The following SCHIP1 variants were observed in gnomAD, a reference collection of about 807,000 sequenced individuals.
The protein encoded by SCHIP1 is schwannomin interacting protein 1, also known as schwannomin-interacting protein 1.
Under a neutral mutation model 29.7 loss-of-function variants are expected in SCHIP1, and 8 were observed. The observed-to-expected ratio is 0.27, with a 90% CI of 0.16 to 0.49. The LOEUF (loss-of-function observed/expected upper bound fraction) is 0.49. Ranked by LOEUF, SCHIP1 falls within the 20% of genes least tolerant of loss-of-function variation. The pLI, the probability that SCHIP1 is intolerant of heterozygous loss-of-function variation, is 0.99. For missense variants in SCHIP1, 193 were observed against 294.6 expected (o/e 0.66, Z 2.52); for synonymous variants, 76 against 94.9 (o/e 0.80, Z 1.16).
chr3:159,699,696 C>G, the SCHIP1 span, among the ~76,000 whole-genome samples: 1 of 152,206 alleles, frequency 6.6e-6, no homozygotes, highest in Non-Finnish European at 1.5e-5. Flanking sequence ...TAGCAGAATT[C>G]TCTCCAAGTC....
chr3:159,813,765 G>T, the SCHIP1 span, among the ~76,000 whole-genome samples: 7 of 152,186 alleles, frequency 4.6e-5, no homozygotes, highest in South Asian at 1.5e-3. Flanking sequence ...TATCTGTATT[G>T]ATTATTGATC....
the SCHIP1 span, among the ~76,000 whole-genome samples, chr3:159,396,766 T>A: frequency 6.6e-6 from 1 of 151,828 alleles, no homozygotes; most frequent in Non-Finnish European, 1.5e-5. Flanking sequence ...TTTTCCTTCA[T>A]TTCAACTTTG....
chr3:159,507,158 A>G, the SCHIP1 span, among the ~76,000 whole-genome samples: 12 of 152,100 alleles, frequency 7.9e-5, no homozygotes, highest in Non-Finnish European at 1.0e-4. Context: ...AGTAGTTTGT[A>G]GTTTTCCTTG....
chr3:159,685,623 A>C, the SCHIP1 span, among the ~76,000 whole-genome samples: 81 of 152,322 alleles, frequency 5.3e-4, no homozygotes, highest in African/African-American at 1.9e-3. Context: ...AATTTATTTT[A>C]CTTGCAAAAA....
chr3:159,427,585 G>A, the SCHIP1 span, among the ~76,000 whole-genome samples: 2 of 152,046 alleles, frequency 1.3e-5, no homozygotes, highest in African/African-American at 2.4e-5. Context: ...CTCATGGGTA[G>A]GAAGAATCAA....
At chr3:159,290,681 A>G in the SCHIP1 span, among the ~76,000 whole-genome samples, 1 of 152,116 alleles carries the variant, frequency 6.6e-6, no homozygotes, top group African/African-American at 2.4e-5. Context: ...AAAGAAAAAC[A>G]TTCTTTAAAA....
At chr3:159,315,073 C>T in the SCHIP1 span, among the ~76,000 whole-genome samples, 16 of 152,186 alleles carry the variant, frequency 1.1e-4, no homozygotes, top group Admixed American at 3.3e-4. Context: ...GTTTTAGTAG[C>T]TATTGCGAAA....
chr3:159,626,145 TAG>T, the SCHIP1 span, among the ~76,000 whole-genome samples: 1,638 of 104,486 alleles, frequency 0.016, 146 homozygotes, highest in African/African-American at 0.099. Context: ...TAGATATATC[TAG>T]ATATATATAT....
chr3:159,403,141 A>C, the SCHIP1 span, among the ~76,000 whole-genome samples: 1 of 152,188 alleles, frequency 6.6e-6, no homozygotes, highest in Non-Finnish European at 1.5e-5. Flanking sequence ...TTTAATGGGC[A>C]AATAAAATGT....
the SCHIP1 span, among the ~76,000 whole-genome samples, chr3:159,492,138 CA>C: frequency 2.6e-5 from 4 of 151,972 alleles, no homozygotes; most frequent in East Asian, 7.7e-4. Context: ...GATAAAACCA[CA>C]AAGATAGGGG....
the SCHIP1 span, among the ~76,000 whole-genome samples, chr3:159,456,440 G>A: frequency 6.6e-5 from 10 of 152,194 alleles, no homozygotes; most frequent in East Asian, 1.5e-3. Flanking sequence ...CCAACTAAAT[G>A]CCTTATGTAT....
At chr3:159,431,648 A>G in the SCHIP1 span, among the ~76,000 whole-genome samples, 29 of 152,154 alleles carry the variant, frequency 1.9e-4, no homozygotes, top group African/African-American at 7.0e-4. Context: ...ATCTCTACCA[A>G]AAATATAAAA....
the SCHIP1 span, among the ~76,000 whole-genome samples, chr3:159,699,012 T>A: frequency 5.4e-4 from 83 of 152,356 alleles, no homozygotes; most frequent in Non-Finnish European, 1.0e-3. Flanking sequence ...AACATTTTAT[T>A]ACTTCGTGTA....
intron 5 of SCHIP1, among the ~76,000 whole-genome samples, chr3:159,891,451 T>A (rs954009091): frequency 1.3e-5 from 2 of 152,172 alleles, no homozygotes; most frequent in Non-Finnish European, 2.9e-5. Flanking sequence ...TCTGTCTCTA[T>A]AGATTTCATT....
At chr3:159,442,363 G>A in the SCHIP1 span, among the ~76,000 whole-genome samples, 1 of 152,154 alleles carries the variant, frequency 6.6e-6, no homozygotes, top group Non-Finnish European at 1.5e-5. Flanking sequence ...GTCTGGTCAG[G>A]ATAGGAGCGC....
the SCHIP1 span, among the ~76,000 whole-genome samples, chr3:159,372,540 T>C: frequency 4.6e-5 from 7 of 152,258 alleles, no homozygotes; most frequent in East Asian, 1.3e-3. Context: ...TACTTTACAT[T>C]TTATAATGTA....
chr3:159,727,654 A>G, the SCHIP1 span, among the ~76,000 whole-genome samples: 1 of 152,216 alleles, frequency 6.6e-6, no homozygotes, highest in Non-Finnish European at 1.5e-5. Context: ...GGAGGAAGTG[A>G]TTAGGTTGGA....
the SCHIP1 span, among the ~76,000 whole-genome samples, chr3:159,567,804 T>C: frequency 3.9e-5 from 6 of 152,152 alleles, no homozygotes; most frequent in Non-Finnish European, 5.9e-5. Context: ...AATCCTTTGC[T>C]CCCCTATGAC....
At chr3:159,654,500 AC>A in the SCHIP1 span, among the ~76,000 whole-genome samples, 1 of 151,156 alleles carries the variant, frequency 6.6e-6, no homozygotes, top group African/African-American at 2.4e-5. Context: ...CTATCTACAA[AC>A]CCCCCACTTA....
Sources: allele counts gnomAD v4.1 joint callset (sites outside exome capture counted in the v4.1 genomes callset), GRCh38; gene constraint gnomAD v4.1.1; transcripts MANE v1.5; gene names NCBI Gene and HGNC (gene_info 2026-07-23, HGNC 2026-07-21).